Variants in TTLL11 observed in about 807,000 individuals in gnomAD.
TTLL11 encodes the protein tubulin tyrosine ligase like 11.
TTLL11 carries 42 observed loss-of-function variants against 51.7 expected under a neutral mutation model. The observed-to-expected ratio is 0.81, with a 90% CI of 0.64 to 1.05. TTLL11 has a LOEUF of 1.05. Among genes scored for constraint, TTLL11 ranks in the 50% least tolerant of loss-of-function variants. The pLI, the probability that TTLL11 is intolerant of heterozygous loss-of-function variation, is 0.00. For synonymous variants in TTLL11, 381 were observed against 383.5 expected (o/e 0.99, Z 0.08); for missense variants, 799 against 940.4 (o/e 0.85, Z 1.97).
chr9:121,825,972 A>G (rs1836738643), intron 8 of TTLL11, among the ~76,000 whole-genome samples: 1 of 151,294 alleles, frequency 6.6e-6, no homozygotes, highest in South Asian at 2.1e-4. Flanking sequence ...GTAAACATGG[A>G]TGCAATTTAA....
At chr9:121,826,479 ATG>A (rs1554756688) in intron 8 of TTLL11, among the ~76,000 whole-genome samples, 2,504 of 52,566 alleles carry the variant, frequency 0.048, 129 homozygotes, top group African/African-American at 0.11. Flanking sequence ...ATATATATAT[ATG>A]TATATATATA....
chr9:121,974,480 T>C (rs532753006), intron 5 of TTLL11, among the ~76,000 whole-genome samples: 2 of 152,000 alleles, frequency 1.3e-5, no homozygotes, highest in East Asian at 3.9e-4. Flanking sequence ...TTAAATGCAT[T>C]TTTTGGGGGA....
At chr9:121,847,867 C>G (rs937971269) in intron 8 of TTLL11, among the ~76,000 whole-genome samples, 1 of 152,122 alleles carries the variant, frequency 6.6e-6, no homozygotes, top group African/African-American at 2.4e-5. Flanking sequence ...AACTGCATAC[C>G]AATATTCCTC....
intron 3 of TTLL11, among the ~76,000 whole-genome samples, chr9:122,020,097 G>A (rs1389842924): frequency 6.6e-6 from 1 of 152,134 alleles, no homozygotes; most frequent in Admixed American, 6.5e-5. Context: ...ACTAATACAA[G>A]CTGTAAGCCG....
intron 3 of TTLL11, among the ~76,000 whole-genome samples, chr9:122,013,817 T>C (rs1257692205): frequency 6.6e-6 from 1 of 152,186 alleles, no homozygotes; most frequent in African/African-American, 2.4e-5. Flanking sequence ...GATGATGGAT[T>C]ACATAAAGCC....
Position 121,989,859 on chromosome 9 carries a change from ATGAGTGACAAGATGATCCC to A in TTLL11, c.694-108_694-90del. ...CAAGGCCTTAGCAAATGTGTGGTGA[ATGAGTGACAAGATGATCCC>A]TGCCGATCTGAGCAGGGGCTGAGCA... is the stretch of plus-strand genomic sequence containing the variant. On this transcript the variant is annotated intron_variant, in intron 3 of 8. Coordinates refer to ENST00000321582, the MANE Select transcript of TTLL11 (RefSeq NM_001139442.2). This position sits in a 1 kb window ranked among gnomAD's most constrained non-coding sequence, Gnocchi z 4.2. 6.6e-7 allele frequency: 1 copy of A among 1,512,104 alleles called. No individual in the cohort carries two copies. Among genetic ancestry groups the A allele is most frequent in the Non-Finnish European group, 8.8e-7 (1 of 1,138,706 alleles). 93.7% of individuals were successfully genotyped at this position (1,512,104 alleles called of 1,614,324 possible). A position where few individuals can be genotyped will look rare whatever the true frequency, so the allele number is the denominator to read the frequency against.
intron 3 of TTLL11, among the ~76,000 whole-genome samples, chr9:122,007,578 A>G (rs34496680): frequency 0.2 from 29,722 of 152,196 alleles, 3,311 homozygotes; most frequent in Non-Finnish European, 0.24. Context: ...TTGATGGTAA[A>G]ATATTATAAC....
At chr9:121,968,194 C>T (rs900042672) in intron 6 of TTLL11, among the ~76,000 whole-genome samples, 15 of 152,212 alleles carry the variant, frequency 9.9e-5, no homozygotes, top group African/African-American at 1.4e-4. Context: ...CTTCCTGCTT[C>T]GCATGTCCCT....
At chr9:122,074,708 T>C (rs1845813441) in intron 1 of TTLL11, among the ~76,000 whole-genome samples, 1 of 146,234 alleles carries the variant, frequency 6.8e-6, no homozygotes, top group South Asian at 2.1e-4. Context: ...TTGAGCAACC[T>C]GGGCAATACA....
intron 7 of TTLL11, among the ~76,000 whole-genome samples, chr9:121,861,424 G>A (rs1395183626): frequency 6.6e-6 from 1 of 152,064 alleles, no homozygotes; most frequent in Non-Finnish European, 1.5e-5. Context: ...CTTGGAAGCT[G>A]CATGGCCCTG....
chr9:121,939,824 C>A (rs1841374953), intron 6 of TTLL11, among the ~76,000 whole-genome samples: 1 of 152,174 alleles, frequency 6.6e-6, no homozygotes, highest in Non-Finnish European at 1.5e-5. Flanking sequence ...AGGTAAGGCA[C>A]CTCCGCGATG....
intron 6 of TTLL11, among the ~76,000 whole-genome samples, chr9:121,952,209 GGCCGA>G (rs1323321461): frequency 1.3e-5 from 2 of 152,130 alleles, no homozygotes; most frequent in Admixed American, 1.3e-4. Flanking sequence ...CACTTTGGGA[GGCCGA>G]GCTGGGCAGA....
chr9:121,820,359 C>G lies in TTLL11; in HGVS notation c.*2228G>C, dbSNP rs897412978. Among the ~76,000 whole-genome samples the G allele has an allele frequency of 1.3e-5, 2 of 152,190 alleles. No individual in the cohort carries two copies. Among genetic ancestry groups the G allele is most frequent in the South Asian group, 2.1e-4 (1 of 4,828 alleles). ...ACTTCTGGTGGCTCCCAGCTGATGA[C>G]AAGTGTGCCCAGACATGCTTACTCT... On this transcript the variant is annotated 3_prime_UTR_variant, in exon 9 of 9. Coordinates refer to ENST00000321582, the MANE Select transcript of TTLL11 (RefSeq NM_001139442.2).
chr9:122,026,920 A>C (rs1046867398), intron 3 of TTLL11, among the ~76,000 whole-genome samples: 1 of 151,370 alleles, frequency 6.6e-6, no homozygotes, highest in Non-Finnish European at 1.5e-5. Context: ...AAAAAAAAAA[A>C]AAAAAAAAAA....
At chr9:121,975,112 C>G (rs776470717) in intron 4 of TTLL11, 133 bp from the exon 5 acceptor site, 3 of 594,422 alleles carry the variant, frequency 5.0e-6, no homozygotes, top group Non-Finnish European at 8.2e-6. Flanking sequence ...CACAGCCCCT[C>G]TTCCTCTGGG....
At chr9:121,981,297 T>C (rs763493961) in intron 4 of TTLL11, among the ~76,000 whole-genome samples, 7 of 152,172 alleles carry the variant, frequency 4.6e-5, no homozygotes, top group African/African-American at 9.7e-5. Context: ...TGCTACGTCT[T>C]CAAGTTCACT....
intron 8 of TTLL11, among the ~76,000 whole-genome samples, chr9:121,831,193 T>C (rs538488044): frequency 6.6e-6 from 1 of 152,250 alleles, no homozygotes; most frequent in African/African-American, 2.4e-5. Context: ...TCAAACATTT[T>C]ACACATAAAA....
At chr9:122,005,222 C>T (rs1248968121) in intron 3 of TTLL11, among the ~76,000 whole-genome samples, 1 of 152,186 alleles carries the variant, frequency 6.6e-6, no homozygotes, top group Non-Finnish European at 1.5e-5. Flanking sequence ...GGAGGGGATT[C>T]ACTCGGCGGG....
At chr9:122,036,568 GA>G (rs1039886616) in intron 2 of TTLL11, among the ~76,000 whole-genome samples, 1 of 151,836 alleles carries the variant, frequency 6.6e-6, no homozygotes, top group South Asian at 2.1e-4. Context: ...TTTGAACCAG[GA>G]AATTACCCAT....
Sources: allele counts gnomAD v4.1 joint callset (sites outside exome capture counted in the v4.1 genomes callset), GRCh38; gene constraint gnomAD v4.1.1; non-coding constraint Gnocchi (gnomAD v3.1); transcripts MANE v1.5; gene names NCBI Gene and HGNC (gene_info 2026-07-23, HGNC 2026-07-21).